The following WDR6 variants were observed in gnomAD, a reference collection of about 807,000 sequenced individuals.
WDR6 encodes tRNA (34-2'-O)-methyltransferase regulator WDR6.
Under a neutral mutation model 85.6 loss-of-function variants are expected in WDR6, and 58 were observed. That is an observed-to-expected ratio of 0.68 (90% confidence interval 0.55 to 0.84). The LOEUF (loss-of-function observed/expected upper bound fraction) is 0.84. Among genes scored for constraint, WDR6 ranks in the 40% least tolerant of loss-of-function variants. The pLI is 0.00. For missense variants in WDR6, 1,310 were observed against 1,476.4 expected, an observed-to-expected ratio of 0.89 and a Z score of 1.85; for synonymous variants, 569 against 582.2, an observed-to-expected ratio of 0.98 and a Z score of 0.33.
At position 49,013,875 on chromosome 3, in the gene WDR6, G is replaced by C. The variant is rs138748772; in HGVS notation, c.2341G>C (p.Ala781Pro). 6.2e-7 allele frequency: 1 copy of C among 1,614,012 alleles called. No homozygotes were observed. The highest frequency in any genetic ancestry group is 2.2e-5 in the East Asian group (1 of 44,882). ...CCATATCTCCTCGGTACGTGCTGTG[G>C]CTGTGTGGGGCATTGGCACCCCAGG... ...CNHISSVRAV[A>P]VWGIGTPGGP... is the part of the protein sequence containing the mutation. The change falls in exon 2 of 6, where the codon GCT (alanine) becomes CCT (proline). Residue 781 changes from alanine (A) to proline (P), a missense_variant. Coordinates refer to ENST00000608424, the MANE Select transcript of WDR6 (RefSeq NM_018031.6). The surrounding 1 kb of genome is among the most constrained non-coding windows in gnomAD (Gnocchi z 4.6).
rs141461297 is a variant in WDR6 at position 49,012,235 on chromosome 3, G to A, written c.701G>A (p.Arg234His). The A allele has an allele frequency of 4.1e-5, 66 of 1,614,282 alleles. No individual in the cohort carries two copies. The highest frequency in any genetic ancestry group is 1.6e-4 in the Middle Eastern group (1 of 6,062). Reference protein sequence around the residue: ...LATASEDRSVRIWKVGDLRVP... With the variant: ...LATASEDRSVHIWKVGDLRVP... ...ACAGCTTCAGAAGACCGAAGCGTTC[G>A]TATCTGGAAGGTGGGCGACCTGCGA... The change falls in exon 2 of 6, where the codon CGT becomes CAT. Residue 234 changes from arginine (R) to histidine (H), a missense_variant. Coordinates refer to ENST00000608424, the MANE Select transcript of WDR6 (RefSeq NM_018031.6). This position sits in a 1 kb window ranked among gnomAD's most constrained non-coding sequence, Gnocchi z 4.4.
chr3:49,015,266 A>G lies in WDR6; in HGVS notation c.3344A>G (p.Glu1115Gly). ...HRCALGGQGL[E>G]VYNWYD Reference sequence around the variant, plus strand: ...TGTGCCCTTGGGGGTCAGGGGCTTGAGGTTTACAACTGGTATGACTGAGGT... The same window carrying G: ...TGTGCCCTTGGGGGTCAGGGGCTTGGGGTTTACAACTGGTATGACTGAGGT... Residue 1115 changes from glutamate (E) to glycine (G), a missense_variant, in exon 6 of 6, where the codon GAG becomes GGG. By Grantham distance (98) the Glu-to-Gly change is moderately conservative. Transcript: ENST00000608424. 3 of 1,611,420 alleles carry G rather than the reference A, an allele frequency of 1.9e-6. No individual in the cohort carries two copies. The highest frequency in any genetic ancestry group is 2.5e-6 in the Non-Finnish European group (3 of 1,179,968).
rs753565064 is a variant in WDR6 at position 49,014,014 on chromosome 3, G to C, written c.2480G>C (p.Arg827Pro). The change falls in exon 2 of 6, where the codon CGC (arginine) becomes CCC (proline). Residue 827 changes from arginine to proline, a missense_variant. By Grantham distance (103) the Arg-to-Pro change is moderately radical. Coordinates refer to ENST00000608424, the MANE Select transcript of WDR6 (RefSeq NM_018031.6). This position sits in a 1 kb window ranked among gnomAD's most constrained non-coding sequence, Gnocchi z 4.9. ...MVTPDPSTPS[R>P]LACHVMHLSS... ...ACTCCGGACCCCAGCACCCCAAGCC[G>C]CCTCGCCTGCCATGTCATGCACCTT... The C allele has an allele frequency of 4.3e-6, 7 of 1,611,580 alleles. No individual in the cohort carries two copies.
Position 49,014,870 on chromosome 3 carries a change from T to C in WDR6, c.2948T>C (p.Ile983Thr). ...ACTCTCCAGGCCCACAGCTGTGGTA[T>C]CAACAGCCTGCACACCTTGCCCACC... The part of the protein sequence containing the change: ...SLTLQAHSCG[I>T]NSLHTLPTRE... The change falls in exon 6 of 6, where the codon ATC (isoleucine) becomes ACC (threonine). Residue 983 changes from isoleucine to threonine, a missense_variant. Transcript: ENST00000608424. The surrounding 1 kb of genome is among the most constrained non-coding windows in gnomAD (Gnocchi z 4.9). The C allele has an allele frequency of 6.2e-7, 1 of 1,612,274 alleles. No individual in the cohort carries two copies.
intron 1 of WDR6, among the ~76,000 whole-genome samples, chr3:49,010,361 G>A (rs150563302): frequency 9.3e-5 from 14 of 151,094 alleles, no homozygotes; most frequent in African/African-American, 3.2e-4. Flanking sequence ...AGCCAAGATC[G>A]CGCCACAGCA....
Position 49,012,174 on chromosome 3 carries a change from A to G in WDR6, c.640A>G (p.Ser214Gly). 6.2e-7 allele frequency: 1 copy of G among 1,614,222 alleles called. No individual in the cohort carries two copies. Among genetic ancestry groups the G allele is most frequent in the Non-Finnish European group, 8.5e-7 (1 of 1,180,028 alleles). Residue 214 changes from serine to glycine, a missense_variant, in exon 2 of 6, where the codon AGC becomes GGC. Coordinates refer to ENST00000608424, the MANE Select transcript of WDR6 (RefSeq NM_018031.6). This position sits in a 1 kb window ranked among gnomAD's most constrained non-coding sequence, Gnocchi z 4.4. ...CAGTGGGCATGTGGGCATCATCTTCAGCATGTCATACCTGGAAAGCAAGGG... is the reference window on the plus strand; with the variant it reads ...CAGTGGGCATGTGGGCATCATCTTCGGCATGTCATACCTGGAAAGCAAGGG... ...RISGHVGIIF[S>G]MSYLESKGLL...
chr3:49,007,418 C>T lies in WDR6; in HGVS notation c.-14C>T, dbSNP rs2092988936. On this transcript the variant is annotated 5_prime_UTR_variant, in exon 1 of 6. Coordinates refer to ENST00000608424, the MANE Select transcript of WDR6 (RefSeq NM_018031.6). This position sits in a 1 kb window ranked among gnomAD's most constrained non-coding sequence, Gnocchi z 5.1. Reference sequence around the variant, plus strand: ...CTTCTTAGCCGTGGCTGCCTCAGCACCTCGAGGATCGACATGGACGCTCTC... The same window carrying T: ...CTTCTTAGCCGTGGCTGCCTCAGCATCTCGAGGATCGACATGGACGCTCTC... 1.9e-6 allele frequency: 3 copies of T among 1,607,146 alleles called. No homozygotes were observed. In the African/African-American group the frequency reaches 4.0e-5, roughly 21 times the overall value.
At position 49,012,705 on chromosome 3, in the gene WDR6, C is replaced by T. The variant is rs773811335; in HGVS notation, c.1171C>T (p.Gln391Ter). ...GCAGCTGCTAGAGGATAAACATTTCCAGTCCTACTGCCTGCTGGAGGCAGC... is the reference window on the plus strand; with the variant it reads ...GCAGCTGCTAGAGGATAAACATTTCTAGTCCTACTGCCTGCTGGAGGCAGC... ...WEQLLEDKHF[Q>*]SYCLLEAAPG... is the part of the protein sequence containing the mutation. The change falls in exon 2 of 6, where the codon CAG becomes TAG. Residue 391 changes from glutamine to a stop codon, truncating the protein, a stop_gained. Transcript: ENST00000608424. LOFTEE classifies it high-confidence loss of function. This position sits in a 1 kb window ranked among gnomAD's most constrained non-coding sequence, Gnocchi z 4.4. The T allele has an allele frequency of 6.2e-7, 1 of 1,614,000 alleles. No individual in the cohort carries two copies. Among genetic ancestry groups the T allele is most frequent in the South Asian group, 1.1e-5 (1 of 91,086 alleles).
chr3:49,009,176 C>T (rs1020696592), intron 1 of WDR6, among the ~76,000 whole-genome samples: 1 of 152,128 alleles, frequency 6.6e-6, no homozygotes, highest in Admixed American at 6.5e-5. Context: ...GCCACCATAC[C>T]CGGCCTCTCT....
rs530500836 is a variant in WDR6 at position 49,011,542 on chromosome 3, A to C, written c.101-93A>C. 8.1e-6 allele frequency: 13 copies of C among 1,612,412 alleles called. No homozygotes were observed. The East Asian group carries it at 1.3e-4, about 17-fold the overall frequency. On this transcript the variant is annotated intron_variant, in intron 1 of 5. Transcript: ENST00000608424. ...GTGTGTCCTGATGCATTCATAGGCT[A>C]CATGCCGAGAAGTTTCCCTGATCCC...
intron 1 of WDR6, chr3:49,011,005 G>C (rs537228138): frequency 1.0e-4 from 44 of 430,894 alleles, no homozygotes; most frequent in Non-Finnish European, 2.0e-4. Context: ...GACAGAATGA[G>C]ACTCTGTCTC....
In WDR6 at chr3:49,015,949, G is replaced by C. The variant is rs765387162; in HGVS notation, c.*661G>C. ...GCCAGAATAAAGAATAGAGTGTAGA[G>C]TGTCCTGGTTGTCTATGCCTCACCA... On this transcript the variant is annotated 3_prime_UTR_variant, in exon 6 of 6. Transcript: ENST00000608424. The C allele has an allele frequency of 3.7e-6, 6 of 1,614,136 alleles. No homozygotes were observed. In the Admixed American group the frequency reaches 8.3e-5, roughly 22 times the overall value.
rs1175364153 is a variant in WDR6 at position 49,015,329 on chromosome 3, TCA to T, written c.*44_*45del. On this transcript the variant is annotated 3_prime_UTR_variant, in exon 6 of 6. Coordinates refer to ENST00000608424, the MANE Select transcript of WDR6 (RefSeq NM_018031.6). ...CTGGCGTGCTGGGCATGGGGCCTGC[TCA>T]CAGACAGCATGGAGCAGGGATGGGC... The T allele has an allele frequency of 1.3e-6, 2 of 1,588,300 alleles. No individual in the cohort carries two copies. The highest frequency in any genetic ancestry group is 1.7e-5 in the Admixed American group (1 of 59,680).
At chr3:49,010,673 AC>A (rs977456170) in intron 1 of WDR6, among the ~76,000 whole-genome samples, 1 of 151,418 alleles carries the variant, frequency 6.6e-6, no homozygotes, top group Non-Finnish European at 1.5e-5. Context: ...ACACGGTGAA[AC>A]CCTGTCTCTA....
chr3:49,014,507 G>T lies in WDR6; in HGVS notation c.2783+8G>T. 6.2e-7 allele frequency: 1 copy of T among 1,614,040 alleles called. No individual in the cohort carries two copies. The highest frequency in any genetic ancestry group is 8.5e-7 in the Non-Finnish European group (1 of 1,180,004). On this transcript the variant is annotated splice_region_variant and intron_variant, in intron 4 of 5. Coordinates refer to ENST00000608424, the MANE Select transcript of WDR6 (RefSeq NM_018031.6). This position sits in a 1 kb window ranked among gnomAD's most constrained non-coding sequence, Gnocchi z 4.9. ...GGCACCCAACCAGAGGCGGTGAGAG[G>T]GGCTGGATGATGGTCCTGCATGGGC...
intron 1 of WDR6, among the ~76,000 whole-genome samples, chr3:49,010,134 C>T (rs1269942208): frequency 4.0e-5 from 6 of 151,806 alleles, no homozygotes; most frequent in East Asian, 1.9e-4. Context: ...AGGCTGGGCG[C>T]GGTGGCTCAC....
Position 49,015,149 on chromosome 3 carries a change from G to T in WDR6, c.3227G>T (p.Gly1076Val), listed in dbSNP as rs1575281388. ...CTGACCTTCTGGCGTCTGGGGCATG[G>T]TGAACCCACCTTCATGAATAGCACT... ...QRLTFWRLGH[G>V]EPTFMNSTVF... The change falls in exon 6 of 6, where the codon GGT becomes GTT. Residue 1076 changes from glycine to valine, a missense_variant. Physicochemically the swap from Gly to Val is moderately radical, Grantham distance 109. Coordinates refer to ENST00000608424, the MANE Select transcript of WDR6 (RefSeq NM_018031.6). The T allele has an allele frequency of 6.2e-7, 1 of 1,613,906 alleles. No homozygotes were observed. Among genetic ancestry groups the T allele is most frequent in the African/African-American group, 1.3e-5 (1 of 75,054 alleles).
chr3:49,010,456 C>T (rs2093008457), intron 1 of WDR6, among the ~76,000 whole-genome samples: 1 of 152,024 alleles, frequency 6.6e-6, no homozygotes, highest in Non-Finnish European at 1.5e-5. Context: ...TGGCTCACGC[C>T]TGTAATCCCG....
chr3:49,015,906 T>C lies in WDR6; in HGVS notation c.*618T>C. ...AGAGACTGAGTCACTGGCCCATCTC[T>C]TTGCTCTTGTGCCCCAGGCCAGAAT... On this transcript the variant is annotated 3_prime_UTR_variant, in exon 6 of 6. Transcript: ENST00000608424. 1 of 1,614,182 alleles carries C rather than the reference T, an allele frequency of 6.2e-7. No homozygotes were observed. Among genetic ancestry groups the C allele is most frequent in the Non-Finnish European group, 8.5e-7 (1 of 1,180,036 alleles).
Sources: gnomAD v4.1 joint callset for allele counts (sites outside exome capture counted in the v4.1 genomes callset) on GRCh38, gnomAD v4.1.1 for gene constraint, Gnocchi (gnomAD v3.1) non-coding constraint, MANE v1.5 for transcripts, NCBI Gene and HGNC (gene_info 2026-07-23, HGNC 2026-07-21) for gene names.